Variants in NMNAT3 observed in about 807,000 individuals in gnomAD.
NMNAT3 encodes the protein nicotinamide/nicotinic acid mononucleotide adenylyltransferase 3.
NMNAT3 carries 21 observed loss-of-function variants against 24.8 expected under a neutral mutation model. The observed-to-expected ratio is 0.85, with a 90% CI of 0.60 to 1.22. The LOEUF (loss-of-function observed/expected upper bound fraction) is 1.22. Ranked by LOEUF, NMNAT3 falls within the 50% of genes most tolerant of loss-of-function variation. The probability of loss-of-function intolerance (pLI) is 0.00; values close to 1 mark genes in which losing one functional copy is unlikely to be tolerated. For missense variants in NMNAT3, 387 were observed against 436.6 expected (o/e 0.89, Z 1.01); for synonymous variants, 136 against 155.2 (o/e 0.88, Z 0.92).
intron 3 of NMNAT3, among the ~76,000 whole-genome samples, chr3:139,608,311 CTT>C (rs1368082189): frequency 6.7e-5 from 8 of 119,622 alleles, no homozygotes; most frequent in Admixed American, 3.9e-4. Flanking sequence ...GCTTTGCACT[CTT>C]TGAGACTGGG....
intron 6 of NMNAT3, 43 bp from the exon 7 acceptor site, chr3:139,561,435 A>G: frequency 6.4e-7 from 1 of 1,570,134 alleles, no homozygotes; most frequent in Non-Finnish European, 8.7e-7. Context: ...GAGAGAGGTC[A>G]CTGCCAGGAA....
chr3:139,621,327 T>C (rs1172464193), intron 3 of NMNAT3, among the ~76,000 whole-genome samples: 1 of 152,208 alleles, frequency 6.6e-6, no homozygotes, highest in Non-Finnish European at 1.5e-5. Flanking sequence ...TCTTCTTTGG[T>C]GAAGTGTCTG....
At chr3:139,669,568 C>T (rs183128495) in intron 1 of NMNAT3, among the ~76,000 whole-genome samples, 70 of 151,546 alleles carry the variant, frequency 4.6e-4, no homozygotes, top group African/African-American at 1.6e-3. Flanking sequence ...TAGAGTATGC[C>T]TCGTTTGTGA....
rs537421263 is a variant in NMNAT3 at position 139,670,511 on chromosome 3, A to G, written c.-141+7194T>C. 4.7e-4 allele frequency among the ~76,000 whole-genome samples: 72 copies of G among 152,334 alleles called. 3 individuals carry two copies. The South Asian group carries it at 0.015, about 31-fold the overall frequency. ...TAGTGCTTCCTGGGGTCCACTTTCA[A>G]ATAAACTACTCAGACTCAAGTCCTT... is the stretch of plus-strand genomic sequence containing the variant. On this transcript the variant is annotated intron_variant, in intron 1 of 6. Coordinates refer to ENST00000643695, the MANE Select transcript of NMNAT3 (RefSeq NM_001320510.2).
chr3:139,626,509 T>C (rs1434619993), intron 3 of NMNAT3, among the ~76,000 whole-genome samples: 1 of 152,110 alleles, frequency 6.6e-6, no homozygotes, highest in Non-Finnish European at 1.5e-5. Context: ...CACATAATTA[T>C]AATAATTGTT....
At chr3:139,599,579 T>C in intron 3 of NMNAT3, 1 of 604,758 alleles carries the variant, frequency 1.7e-6, no homozygotes, top group Non-Finnish European at 2.9e-6. Context: ...GAATCTCAAC[T>C]AAATGGTTAT....
At chr3:139,669,589 T>C (rs148117631) in intron 1 of NMNAT3, among the ~76,000 whole-genome samples, 2 of 152,204 alleles carry the variant, frequency 1.3e-5, no homozygotes, top group African/African-American at 4.8e-5. Context: ...ATAGATACTT[T>C]GATGAAGAGC....
chr3:139,665,725 GGAGAGAGAGAGAGAGAGA>G (rs10547665), intron 1 of NMNAT3, among the ~76,000 whole-genome samples: 3 of 139,566 alleles, frequency 2.1e-5, no homozygotes, highest in Non-Finnish European at 3.1e-5. Context: ...ATTTGTAACA[GGAGAGAGAGAGAGAGAGA>G]GAGAGAGAGA....
At chr3:139,654,605 G>A (rs1003245890) in intron 1 of NMNAT3, among the ~76,000 whole-genome samples, 10 of 152,192 alleles carry the variant, frequency 6.6e-5, no homozygotes, top group Non-Finnish European at 1.3e-4. Context: ...TGCCTTTGAT[G>A]TGAAAAATGG....
At chr3:139,592,485 C>A (rs1576596374) in intron 3 of NMNAT3, among the ~76,000 whole-genome samples, 1 of 152,158 alleles carries the variant, frequency 6.6e-6, no homozygotes, top group African/African-American at 2.4e-5. Flanking sequence ...AAAGATACTC[C>A]TCGAGAAGAG....
rs965759845 is a variant in NMNAT3, at chr3:139,599,128, T to C, written c.110-15920A>G. 7.1e-6 allele frequency: 4 copies of C among 564,682 alleles called. No individual in the cohort carries two copies. In the Admixed American group the frequency reaches 1.0e-4, roughly 14 times the overall value. The allele number at this position is 564,682 out of a possible 1,614,324, so 35.0% of individuals were successfully genotyped here. A position where few individuals can be genotyped will look rare whatever the true frequency, so the allele number is the denominator to read the frequency against. ...TAATAGCATTCCAAACTGTAAAGAC[T>C]TCATTATTTCCACAGAGAATGGCTT... On this transcript the variant is annotated intron_variant, in intron 3 of 6. Coordinates refer to ENST00000643695, the MANE Select transcript of NMNAT3 (RefSeq NM_001320510.2).
At chr3:139,657,260 G>A (rs962694688) in intron 1 of NMNAT3, among the ~76,000 whole-genome samples, 1 of 152,210 alleles carries the variant, frequency 6.6e-6, no homozygotes, top group Non-Finnish European at 1.5e-5. Context: ...TGGTATTCAA[G>A]ATGGGCTCAT....
At position 139,561,035 on chromosome 3, in the gene NMNAT3, T is replaced by C. The variant is rs541792059; in HGVS notation, c.1016A>G (p.Gln339Arg). The C allele has an allele frequency of 3.3e-5, 54 of 1,613,564 alleles. No individual in the cohort carries two copies. In the South Asian group the frequency reaches 5.8e-4, roughly 17 times the overall value. ...CTAGCTTGTCTTGCCCTCAGTGCTC[T>C]GGGTGCTTTTGCCTTTCCAGGTACT... Residue 339 changes from glutamine to arginine, a missense_variant, in exon 7 of 7, where the codon CAG becomes CGG. This residue lies in a region of NMNAT3 where 323 missense variants were observed against 345.2 expected (regional missense o/e 0.94). Transcript: ENST00000643695.
intron 1 of NMNAT3, among the ~76,000 whole-genome samples, chr3:139,664,309 A>T (rs996158619): frequency 2.6e-5 from 4 of 152,204 alleles, no homozygotes; most frequent in African/African-American, 7.2e-5. Flanking sequence ...GTGGTCCTGC[A>T]ACACCTTCGC....
chr3:139,581,489 T>C (rs1432519206), intron 4 of NMNAT3, among the ~76,000 whole-genome samples: 3 of 152,102 alleles, frequency 2.0e-5, no homozygotes, highest in Admixed American at 6.5e-5. Context: ...AGCATATCCA[T>C]ACAACGAAAT....
intron 3 of NMNAT3, among the ~76,000 whole-genome samples, chr3:139,597,133 A>G (rs1356704110): frequency 1.3e-5 from 2 of 151,502 alleles, no homozygotes; most frequent in Admixed American, 6.6e-5. Context: ...TGAAAACTGA[A>G]TCTCCTTTCT....
chr3:139,641,364 G>A (rs1344187501), intron 1 of NMNAT3, among the ~76,000 whole-genome samples: 3 of 152,222 alleles, frequency 2.0e-5, no homozygotes, highest in Non-Finnish European at 2.9e-5. Context: ...TTAGCTGATG[G>A]CTCTTTTTCT....
intron 3 of NMNAT3, among the ~76,000 whole-genome samples, chr3:139,598,844 A>G (rs2054590045): frequency 6.6e-6 from 1 of 151,360 alleles, no homozygotes; most frequent in Non-Finnish European, 1.5e-5. Flanking sequence ...GTTTGCCCAT[A>G]TTTTTTTTTC....
chr3:139,589,312 C>T (rs1277478101), intron 3 of NMNAT3, among the ~76,000 whole-genome samples: 1 of 152,168 alleles, frequency 6.6e-6, no homozygotes, highest in East Asian at 1.9e-4. Context: ...GAAGGACATA[C>T]ATTTTCAGAA....
Sources: allele counts gnomAD v4.1 joint callset (sites outside exome capture counted in the v4.1 genomes callset), GRCh38; gene constraint gnomAD v4.1.1; regional missense constraint gnomAD v4.1.1; transcripts MANE v1.5; gene names NCBI Gene and HGNC (gene_info 2026-07-23, HGNC 2026-07-21).